Variants in FGF7 observed in about 807,000 individuals in gnomAD.
The protein encoded by FGF7 is fibroblast growth factor 7.
FGF7 carries 6 observed loss-of-function variants against 20.5 expected under a neutral mutation model. The observed-to-expected ratio is 0.29, with a 90% CI of 0.16 to 0.58. The LOEUF (loss-of-function observed/expected upper bound fraction) is 0.58, where lower values mean the gene tolerates loss of function less well. FGF7 is among the 20% of genes least tolerant of loss of function. The pLI is 0.90. For synonymous variants in FGF7, 64 were observed against 74.7 expected, an observed-to-expected ratio of 0.86 and a Z score of 0.74; for missense variants, 144 against 228.8, an observed-to-expected ratio of 0.63 and a Z score of 2.39.
intron 2 of FGF7, among the ~76,000 whole-genome samples, chr15:49,437,775 T>C (rs919648626): frequency 6.6e-6 from 1 of 151,632 alleles, no homozygotes; most frequent in Non-Finnish European, 1.5e-5. Flanking sequence ...GCACCCACCA[T>C]TGAAAAAATT....
intron 2 of FGF7, among the ~76,000 whole-genome samples, chr15:49,448,249 G>GT (rs975860549): frequency 6.6e-6 from 1 of 151,642 alleles, no homozygotes; most frequent in Non-Finnish European, 1.5e-5. Context: ...CAACTCTTCT[G>GT]TTTTTTCTAC....
At chr15:49,441,665 A>G (rs940480622) in intron 2 of FGF7, among the ~76,000 whole-genome samples, 1 of 151,830 alleles carries the variant, frequency 6.6e-6, no homozygotes, top group Middle Eastern at 3.4e-3. Flanking sequence ...ACATCATTTC[A>G]TATGTTCAGC....
At chr15:49,434,042 G>C (rs1228000367) in intron 2 of FGF7, among the ~76,000 whole-genome samples, 1 of 151,634 alleles carries the variant, frequency 6.6e-6, no homozygotes, top group African/African-American at 2.4e-5. Context: ...CATAGGAAGA[G>C]AGAACTGGGG....
intron 2 of FGF7, among the ~76,000 whole-genome samples, chr15:49,437,439 C>T (rs1276317197): frequency 6.6e-6 from 1 of 151,482 alleles, no homozygotes; most frequent in African/African-American, 2.4e-5. Flanking sequence ...CTGCGCTCCA[C>T]AAAAAGTAAG....
chr15:49,460,820 G>T (rs1211544919), intron 2 of FGF7, among the ~76,000 whole-genome samples: 2 of 152,176 alleles, frequency 1.3e-5, no homozygotes, highest in Non-Finnish European at 2.9e-5. Flanking sequence ...AGCTTTGTGT[G>T]TGAGGCAGAT....
At chr15:49,480,951 T>C (rs1324932519) in intron 2 of FGF7, among the ~76,000 whole-genome samples, 1 of 152,242 alleles carries the variant, frequency 6.6e-6, no homozygotes, top group Non-Finnish European at 1.5e-5. Flanking sequence ...ACATTTATGT[T>C]TTACAATTGT....
At chr15:49,449,058 A>C (rs2052484896) in intron 2 of FGF7, among the ~76,000 whole-genome samples, 1 of 151,650 alleles carries the variant, frequency 6.6e-6, no homozygotes, top group African/African-American at 2.4e-5. Flanking sequence ...TTGATAAGTA[A>C]TTTTTGGCTA....
intron 2 of FGF7, among the ~76,000 whole-genome samples, chr15:49,462,385 A>C (rs1386407372): frequency 6.6e-6 from 1 of 152,202 alleles, no homozygotes; most frequent in East Asian, 1.9e-4. Flanking sequence ...GATATTTCTT[A>C]ATCACAATGC....
chr15:49,446,572 G>T (rs2052234697), intron 2 of FGF7, among the ~76,000 whole-genome samples: 1 of 151,280 alleles, frequency 6.6e-6, no homozygotes, highest in African/African-American at 2.4e-5. Context: ...GGATTGGTTG[G>T]AGGATTTCAT....
At chr15:49,457,395 A>G (rs1478214261) in intron 2 of FGF7, among the ~76,000 whole-genome samples, 1 of 152,058 alleles carries the variant, frequency 6.6e-6, no homozygotes, top group Non-Finnish European at 1.5e-5. Context: ...TTTAAAAAGC[A>G]TTCAAATTTC....
chr15:49,478,905 T>C (rs1188377381), intron 2 of FGF7, among the ~76,000 whole-genome samples: 1 of 152,190 alleles, frequency 6.6e-6, no homozygotes, highest in African/African-American at 2.4e-5. Flanking sequence ...TTAGTATCAA[T>C]TTCTGAAATA....
intron 2 of FGF7, among the ~76,000 whole-genome samples, chr15:49,474,187 T>C (rs2055037051): frequency 6.6e-6 from 1 of 152,204 alleles, no homozygotes; most frequent in African/African-American, 2.4e-5. Flanking sequence ...TATTCTGTCT[T>C]AGGCTATCTA....
intron 2 of FGF7, among the ~76,000 whole-genome samples, chr15:49,427,328 A>G (rs796769114): frequency 5.3e-5 from 8 of 152,200 alleles, no homozygotes; most frequent in African/African-American, 1.9e-4. Flanking sequence ...TAAATGAATG[A>G]AAGAATGTTT....
At chr15:49,423,689 T>C (rs2049880386) in intron 1 of FGF7, among the ~76,000 whole-genome samples, 1 of 152,112 alleles carries the variant, frequency 6.6e-6, no homozygotes, top group South Asian at 2.1e-4. Context: ...AAGCATATAA[T>C]AAAGAAGTCT....
intron 2 of FGF7, among the ~76,000 whole-genome samples, chr15:49,452,265 A>C (rs2052826119): frequency 6.6e-6 from 1 of 151,986 alleles, no homozygotes; most frequent in Non-Finnish European, 1.5e-5. Flanking sequence ...GTTGGCCAGG[A>C]TGGTCTCGAA....
At chr15:49,426,455 G>T (rs745605113) in intron 2 of FGF7, among the ~76,000 whole-genome samples, 2 of 151,698 alleles carry the variant, frequency 1.3e-5, no homozygotes, top group Non-Finnish European at 2.9e-5. Context: ...TAATGAAAAA[G>T]CAAAAAAGTA....
chr15:49,427,949 A>T (rs962326652), intron 2 of FGF7, among the ~76,000 whole-genome samples: 1 of 152,044 alleles, frequency 6.6e-6, no homozygotes, highest in Non-Finnish European at 1.5e-5. Flanking sequence ...TGAGGTTGTC[A>T]CTTACTTTAG....
chr15:49,463,550 C>CA (rs34545202), intron 2 of FGF7, among the ~76,000 whole-genome samples: 13,964 of 125,772 alleles, frequency 0.11, 795 homozygotes, highest in Middle Eastern at 0.12. Flanking sequence ...GATTCCGTCT[C>CA]AAAAAAAAAA....
Position 49,487,680 on chromosome 15 carries a change from A to G in FGF7, c.*3176A>G, listed in dbSNP as rs910526599. ...ACGATTTTCTACTGAAATTTCTCTA[A>G]TAGTAGAGGTGTAAAATAAGAAGTT... is the stretch of plus-strand genomic sequence containing the variant. On this transcript the variant is annotated 3_prime_UTR_variant, in exon 4 of 4. Coordinates refer to ENST00000267843, the MANE Select transcript of FGF7 (RefSeq NM_002009.4). The G allele has an allele frequency of 6.6e-6, 1 of 151,928 alleles. No individual in the cohort carries two copies. The highest frequency in any genetic ancestry group is 1.5e-5 in the Non-Finnish European group (1 of 67,898). The allele number at this position is 151,928 out of a possible 1,614,324, so 9.4% of individuals were successfully genotyped here.
Sources: gnomAD v4.1 joint callset for allele counts (sites outside exome capture counted in the v4.1 genomes callset) on GRCh38, gnomAD v4.1.1 for gene constraint, MANE v1.5 for transcripts, NCBI Gene and HGNC (gene_info 2026-07-23, HGNC 2026-07-21) for gene names.